The following VPS13B variants were observed in gnomAD, a reference collection of about 807,000 sequenced individuals.
The protein encoded by VPS13B is vacuolar protein sorting 13 homolog B.
VPS13B carries 285 observed loss-of-function variants against 426.4 expected under a neutral mutation model. The ratio of observed to expected loss-of-function variants is 0.67; its 90% CI spans 0.61 to 0.74. The LOEUF (loss-of-function observed/expected upper bound fraction) is 0.74, where lower values mean the gene tolerates loss of function less well. Among genes scored for constraint, VPS13B ranks in the 30% least tolerant of loss-of-function variants. VPS13B has a pLI of 0.00. For synonymous variants in VPS13B, 1,676 were observed against 1,676.4 expected (o/e 1.00, Z 0.01); for missense variants, 4,537 against 4,782.6 (o/e 0.95, Z 1.51).
intron 3 of VPS13B, among the ~76,000 whole-genome samples, chr8:99,056,711 G>A (rs1175161302): frequency 6.6e-6 from 1 of 152,166 alleles, no homozygotes; most frequent in Admixed American, 6.5e-5. Flanking sequence ...TCCAGTGGAG[G>A]TGGCAGGGGG....
intron 36 of VPS13B, among the ~76,000 whole-genome samples, chr8:99,715,014 G>A (rs1832855842): frequency 6.6e-6 from 1 of 152,090 alleles, no homozygotes; most frequent in Non-Finnish European, 1.5e-5. Context: ...ACATAGCTAG[G>A]TGAAGGGTGT....
intron 19 of VPS13B, among the ~76,000 whole-genome samples, chr8:99,339,820 A>G (rs1811137729): frequency 6.6e-6 from 1 of 152,182 alleles, no homozygotes; most frequent in Admixed American, 6.5e-5. Flanking sequence ...AATTCTCTCT[A>G]TAATACTTTG....
At chr8:99,272,955 G>C (rs936202225) in intron 17 of VPS13B, among the ~76,000 whole-genome samples, 16 of 151,996 alleles carry the variant, frequency 1.1e-4, no homozygotes, top group Non-Finnish European at 2.4e-4. Context: ...ATGTTCATTG[G>C]AGCACTTTTG....
chr8:99,410,535 ATTATTTATTTATTTATTTAT>A (rs202087477), intron 21 of VPS13B, among the ~76,000 whole-genome samples: 1 of 148,980 alleles, frequency 6.7e-6, no homozygotes, highest in Admixed American at 6.7e-5. Flanking sequence ...TGTTACCAGA[ATTATTTATTTATTTATTTAT>A]TTATTTATTT....
chr8:99,721,895 A>G (rs1272938226), intron 39 of VPS13B, among the ~76,000 whole-genome samples: 1 of 152,192 alleles, frequency 6.6e-6, no homozygotes, highest in Non-Finnish European at 1.5e-5. Flanking sequence ...ATTGGCCTCT[A>G]TGCTTCTGTT....
chr8:99,169,627 G>C (rs1363341682), intron 15 of VPS13B, among the ~76,000 whole-genome samples: 1 of 145,308 alleles, frequency 6.9e-6, no homozygotes. Context: ...TTTTCTTGTA[G>C]TTAATGTTAT....
chr8:99,326,451 G>GATTTTTTTTT (rs1563669420), intron 19 of VPS13B, among the ~76,000 whole-genome samples: 1 of 19,746 alleles, frequency 5.1e-5, no homozygotes, highest in Non-Finnish European at 1.0e-4. Context: ...TCTCTAGGTA[G>GATTTTTTTTT]CTTTTTTTTT....
At chr8:99,196,538 G>A (rs79837320) in intron 17 of VPS13B, among the ~76,000 whole-genome samples, 4,851 of 149,758 alleles carry the variant, frequency 0.032, 98 homozygotes, top group East Asian at 0.052. Flanking sequence ...TGTGATCTTG[G>A]CTCACTGCAA....
chr8:99,282,577 A>G (rs1401532441), intron 19 of VPS13B, among the ~76,000 whole-genome samples: 2 of 152,216 alleles, frequency 1.3e-5, no homozygotes, highest in Non-Finnish European at 2.9e-5. Flanking sequence ...TTGGTCCACC[A>G]TTAATGAAGA....
chr8:99,686,047 C>T (rs570057535), intron 35 of VPS13B, among the ~76,000 whole-genome samples: 72 of 152,270 alleles, frequency 4.7e-4, no homozygotes, highest in Non-Finnish European at 8.1e-4. Context: ...AGTTTTTGGT[C>T]ACTGCAGCCA....
intron 22 of VPS13B, among the ~76,000 whole-genome samples, chr8:99,441,843 T>C (rs1389112963): frequency 2.0e-5 from 3 of 152,176 alleles, no homozygotes; most frequent in Non-Finnish European, 4.4e-5. Context: ...TTATGTATAA[T>C]AAATCTGATA....
intron 17 of VPS13B, among the ~76,000 whole-genome samples, chr8:99,253,447 A>G (rs1257864605): frequency 1.3e-5 from 2 of 152,152 alleles, no homozygotes; most frequent in Non-Finnish European, 2.9e-5. Flanking sequence ...CCTAGCAGCA[A>G]TGTATGAGGG....
At chr8:99,658,270 C>G (rs780103737) in intron 34 of VPS13B, among the ~76,000 whole-genome samples, 1 of 152,058 alleles carries the variant, frequency 6.6e-6, no homozygotes, top group Admixed American at 6.5e-5. Context: ...TGCCTCTTCA[C>G]GTGAGGAAGG....
chr8:99,223,482 C>T (rs538020349), intron 17 of VPS13B, among the ~76,000 whole-genome samples: 3 of 152,112 alleles, frequency 2.0e-5, no homozygotes, highest in South Asian at 2.1e-4. Flanking sequence ...AATGAGAATA[C>T]GAGACATTAG....
intron 2 of VPS13B, among the ~76,000 whole-genome samples, chr8:99,031,573 G>T (rs1240789192): frequency 1.3e-5 from 2 of 152,134 alleles, no homozygotes; most frequent in East Asian, 3.9e-4. Flanking sequence ...CTGTAGATTT[G>T]ACTTACAGTA....
At chr8:99,754,904 G>A (rs1364044519) in intron 39 of VPS13B, among the ~76,000 whole-genome samples, 2 of 152,056 alleles carry the variant, frequency 1.3e-5, no homozygotes, top group Non-Finnish European at 2.9e-5. Flanking sequence ...CCCACTCCCT[G>A]CCACAACACC....
At chr8:99,101,412 G>A (rs771072572) in intron 4 of VPS13B, among the ~76,000 whole-genome samples, 13 of 152,258 alleles carry the variant, frequency 8.5e-5, no homozygotes, top group South Asian at 2.1e-4. Flanking sequence ...GATTACAGGC[G>A]TGAGCCACCG....
chr8:99,390,864 G>A (rs898982475), intron 20 of VPS13B, among the ~76,000 whole-genome samples: 2 of 152,176 alleles, frequency 1.3e-5, no homozygotes, highest in Non-Finnish European at 2.9e-5. Flanking sequence ...AGTAACATCA[G>A]ACTTTATTTC....
At chr8:99,708,829 G>GTCTC (rs147100515) in intron 36 of VPS13B, among the ~76,000 whole-genome samples, 3,779 of 149,614 alleles carry the variant, frequency 0.025, 63 homozygotes, top group Non-Finnish European at 0.037. Flanking sequence ...CTCTCTCTCT[G>GTCTC]TCTCTCTCTC....
Sources: gnomAD v4.1 joint callset for allele counts (sites outside exome capture counted in the v4.1 genomes callset) on GRCh38, gnomAD v4.1.1 for gene constraint, MANE v1.5 for transcripts, NCBI Gene and HGNC (gene_info 2026-07-23, HGNC 2026-07-21) for gene names.